Variants in GRIP1 observed in about 807,000 individuals in gnomAD.
GRIP1 encodes glutamate receptor-interacting protein 1.
GRIP1 carries 45 observed loss-of-function variants against 129.9 expected under a neutral mutation model. The observed-to-expected ratio is 0.35, with a 90% confidence interval of 0.27 to 0.44. The LOEUF (loss-of-function observed/expected upper bound fraction) is 0.44. Among genes scored for constraint, GRIP1 ranks in the 20% least tolerant of loss-of-function variants. GRIP1 has a pLI of 1.00. For missense variants in GRIP1, 1,196 were observed against 1,396.8 expected (o/e 0.86, Z 2.29); for synonymous variants, 530 against 520.8 (o/e 1.02, Z -0.24).
intron 1 of GRIP1, among the ~76,000 whole-genome samples, chr12:67,008,075 T>A (rs528664463): frequency 6.6e-6 from 1 of 152,292 alleles, no homozygotes; most frequent in Admixed American, 6.5e-5. Flanking sequence ...AAAGCTTCTA[T>A]GACATAGGAT....
intron 1 of GRIP1, among the ~76,000 whole-genome samples, chr12:67,067,499 T>C (rs576044746): frequency 1.3e-5 from 2 of 152,288 alleles, no homozygotes; most frequent in African/African-American, 4.8e-5. Flanking sequence ...TTTAAAGATA[T>C]GATTTACTAA....
At chr12:66,731,030 A>G (rs965822845) in intron 1 of GRIP1, among the ~76,000 whole-genome samples, 2 of 151,854 alleles carry the variant, frequency 1.3e-5, no homozygotes, top group African/African-American at 4.8e-5. Flanking sequence ...AAGGGAGACT[A>G]TAAGCCTACT....
At chr12:66,805,851 A>G (rs2038979681), upstream of GRIP1, among the ~76,000 whole-genome samples, 1 of 152,114 alleles carries the variant, frequency 6.6e-6, no homozygotes, top group African/African-American at 2.4e-5. Context: ...CCCATTTTGT[A>G]TGCCTTAGGA....
intron 1 of GRIP1, among the ~76,000 whole-genome samples, chr12:67,043,549 C>T (rs1044555648): frequency 5.9e-5 from 9 of 152,090 alleles, no homozygotes; most frequent in African/African-American, 1.9e-4. Context: ...AAGGCTTAGC[C>T]CAGAGCAAAA....
chr12:66,355,310 T>C (rs967792705), intron 23 of GRIP1, among the ~76,000 whole-genome samples: 9 of 152,016 alleles, frequency 5.9e-5, no homozygotes, highest in Non-Finnish European at 1.2e-4. Flanking sequence ...GATAGAGTGA[T>C]AAAAAAAGTA....
intron 1 of GRIP1, among the ~76,000 whole-genome samples, chr12:67,043,174 T>C (rs532390375): frequency 1.2e-4 from 18 of 152,158 alleles, no homozygotes; most frequent in Non-Finnish European, 2.2e-4. Context: ...ATGGCCATCA[T>C]TGAAATTGAT....
chr12:66,797,512 A>G (rs541820140), intron 1 of GRIP1, among the ~76,000 whole-genome samples: 1 of 152,318 alleles, frequency 6.6e-6, no homozygotes, highest in East Asian at 1.9e-4. Flanking sequence ...ATTCATCCAA[A>G]GTCACATAGT....
chr12:66,789,895 T>C (rs1169461624), intron 1 of GRIP1, among the ~76,000 whole-genome samples: 5 of 152,146 alleles, frequency 3.3e-5, no homozygotes, highest in African/African-American at 1.2e-4. Context: ...GCAGAAAAGT[T>C]TCTATCTTAT....
At chr12:66,587,169 TTCTC>T (rs2063672211) in intron 2 of GRIP1, among the ~76,000 whole-genome samples, 1 of 152,226 alleles carries the variant, frequency 6.6e-6, no homozygotes, top group Admixed American at 6.5e-5. Flanking sequence ...AGAAGTTTCT[TTCTC>T]TGTTTATTTA....
At chr12:66,743,613 G>A (rs1053458221) in intron 1 of GRIP1, among the ~76,000 whole-genome samples, 5 of 151,694 alleles carry the variant, frequency 3.3e-5, no homozygotes, top group African/African-American at 4.8e-5. Context: ...TGTGTGTGTG[G>A]CCATGCACTC....
intron 15 of GRIP1, among the ~76,000 whole-genome samples, chr12:66,415,289 G>C (rs11610748): frequency 0.036 from 5,504 of 151,576 alleles, 142 homozygotes; most frequent in Non-Finnish European, 0.057. Flanking sequence ...CTCAAAAAAA[G>C]ATATTCATGC....
chr12:66,676,958 T>C (rs2034365536), intron 1 of GRIP1, among the ~76,000 whole-genome samples: 1 of 152,176 alleles, frequency 6.6e-6, no homozygotes, highest in Non-Finnish European at 1.5e-5. Flanking sequence ...CAAGGCAAGG[T>C]ACCGTGTTAC....
At chr12:66,904,781 A>C (rs796145406) in intron 1 of GRIP1, among the ~76,000 whole-genome samples, 1 of 151,964 alleles carries the variant, frequency 6.6e-6, no homozygotes, top group Non-Finnish European at 1.5e-5. Flanking sequence ...AGCCCCAGCT[A>C]CTCGGGGGGC....
At chr12:66,533,867 A>T (rs867053333) in intron 4 of GRIP1, among the ~76,000 whole-genome samples, 1 of 136,700 alleles carries the variant, frequency 7.3e-6, no homozygotes, top group Non-Finnish European at 1.6e-5. Flanking sequence ...ACACACTCAC[A>T]CACACACACA....
chr12:66,960,669 CAG>C (rs2041909420), intron 1 of GRIP1, among the ~76,000 whole-genome samples: 1 of 152,108 alleles, frequency 6.6e-6, no homozygotes, highest in Non-Finnish European at 1.5e-5. Context: ...TTTTGCCCCT[CAG>C]GGGATATCTG....
intron 1 of GRIP1, among the ~76,000 whole-genome samples, chr12:66,815,749 A>G (rs1196987948): frequency 6.6e-6 from 1 of 151,172 alleles, no homozygotes; most frequent in African/African-American, 2.4e-5. Context: ...GGGCAACAGA[A>G]TAAGACCCCG....
upstream of GRIP1, among the ~76,000 whole-genome samples, chr12:66,680,500 TA>T (rs1401319330): frequency 6.6e-6 from 1 of 152,188 alleles, no homozygotes; most frequent in Non-Finnish European, 1.5e-5. Flanking sequence ...TAGAAAATAC[TA>T]TATTAAATGG....
intron 1 of GRIP1, among the ~76,000 whole-genome samples, chr12:66,618,858 A>T (rs913215070): frequency 1.3e-5 from 2 of 152,148 alleles, no homozygotes; most frequent in Non-Finnish European, 2.9e-5. Context: ...AGTAAAAACA[A>T]AAAATGAGAT....
Position 66,371,863 on chromosome 12 carries a change from A to G in GRIP1, c.2843T>C (p.Leu948Pro). The G allele has an allele frequency of 1.9e-6, 3 of 1,613,766 alleles. No individual in the cohort carries two copies. The change falls in exon 23 of 25, where the codon CTG (leucine) becomes CCG (proline). Residue 948 changes from leucine to proline, a missense_variant. Leu to Pro is a moderately conservative substitution (Grantham distance 98). This residue lies in a region of GRIP1 where 427 missense variants were observed against 463.3 expected (regional missense o/e 0.92). Coordinates refer to ENST00000359742, the MANE Select transcript of GRIP1 (RefSeq NM_001366722.1). ...CTCCTGGAAGCTGGCCTGTCGCCCC[A>G]GCTGACTGCGAGGTGTTGGAGCCTC... Reference protein sequence around the residue: ...NHEAPTPRSQLGRQASFQERS... With the variant: ...NHEAPTPRSQPGRQASFQERS...
Sources: allele counts gnomAD v4.1 joint callset (sites outside exome capture counted in the v4.1 genomes callset), GRCh38; gene constraint gnomAD v4.1.1; regional missense constraint gnomAD v4.1.1; transcripts MANE v1.5; gene names NCBI Gene and HGNC (gene_info 2026-07-23, HGNC 2026-07-21).